The following LMO3 variants were observed in gnomAD, a reference collection of about 807,000 sequenced individuals.
The protein encoded by LMO3 is LIM domain only protein 3.
Under a neutral mutation model 15.8 loss-of-function variants are expected in LMO3, and 2 were observed. The ratio of observed to expected loss-of-function variants is 0.13; its 90% CI spans 0.05 to 0.40. LMO3 has a LOEUF of 0.40. Among genes scored for constraint, LMO3 ranks in the 10% least tolerant of loss-of-function variants. LMO3 has a pLI of 0.99. For synonymous variants in LMO3, 62 were observed against 63.8 expected, an observed-to-expected ratio of 0.97 and a Z score of 0.13; for missense variants, 86 against 182.2, an observed-to-expected ratio of 0.47 and a Z score of 3.04.
chr12:16,588,687 C>T (rs527995773), intron 2 of LMO3, among the ~76,000 whole-genome samples: 1 of 152,170 alleles, frequency 6.6e-6, no homozygotes, highest in African/African-American at 2.4e-5. Context: ...GATATTTTTT[C>T]CATACAGCCT....
rs923897187 is a variant in LMO3, at chr12:16,549,564, A to T, written c.*1658T>A. 2.0e-5 allele frequency: 3 copies of T among 152,594 alleles called. No individual in the cohort carries two copies. Among genetic ancestry groups the T allele is most frequent in the Admixed American group, 1.3e-4 (2 of 15,266 alleles). The allele number at this position is 152,594 out of a possible 1,614,324, so 9.5% of individuals were successfully genotyped here. Reference sequence around the variant, plus strand: ...AACATTTAATTTTCATCTGTAATGCATATATTGGAAGGACAAAATATATAT... The same window carrying T: ...AACATTTAATTTTCATCTGTAATGCTTATATTGGAAGGACAAAATATATAT... On this transcript the variant is annotated 3_prime_UTR_variant, in exon 4 of 4. Coordinates refer to ENST00000537304, the MANE Select transcript of LMO3 (RefSeq NM_018640.5).
At chr12:16,605,078 G>A in intron 1 of LMO3, 1 of 1,460,848 alleles carries the variant, frequency 6.8e-7, no homozygotes, top group African/African-American at 1.4e-5. Context: ...GTGGGGGAAG[G>A]GATGAGGACG....
chr12:16,563,063 C>T (rs1942457493), intron 2 of LMO3, among the ~76,000 whole-genome samples: 1 of 151,810 alleles, frequency 6.6e-6, no homozygotes, highest in Admixed American at 6.6e-5. Context: ...CTTTCCCTGC[C>T]TCGCTGGAGG....
intron 2 of LMO3, among the ~76,000 whole-genome samples, chr12:16,590,435 T>G (rs1208956628): frequency 6.6e-6 from 1 of 152,072 alleles, no homozygotes; most frequent in Non-Finnish European, 1.5e-5. Context: ...ATATATTATT[T>G]TACATGTTTT....
Position 16,550,737 on chromosome 12 carries a change from A to C in LMO3, c.*485T>G, listed in dbSNP as rs1941958137. ...TTTATCTATCTGTGTATCATTAGTGAGATTTGCTTTTCAATTCTTTACTAG... is the reference window on the plus strand; with the variant it reads ...TTTATCTATCTGTGTATCATTAGTGCGATTTGCTTTTCAATTCTTTACTAG... On this transcript the variant is annotated 3_prime_UTR_variant, in exon 4 of 4. Transcript: ENST00000537304. The C allele has an allele frequency of 6.5e-6, 1 of 153,868 alleles. No individual in the cohort carries two copies. Among genetic ancestry groups the C allele is most frequent in the African/African-American group, 2.4e-5 (1 of 41,410 alleles). The allele number at this position is 153,868 out of a possible 1,614,324, so 9.5% of individuals were successfully genotyped here. A position where few individuals can be genotyped will look rare whatever the true frequency, so the allele number is the denominator to read the frequency against.
chr12:16,575,544 G>A (rs75321626), intron 2 of LMO3, among the ~76,000 whole-genome samples: 3,734 of 152,224 alleles, frequency 0.025, 150 homozygotes, highest in African/African-American at 0.085. Context: ...CATTTGACAC[G>A]AGTTATTTCA....
chr12:16,556,738 A>G (rs1942206325), intron 3 of LMO3, among the ~76,000 whole-genome samples: 1 of 152,204 alleles, frequency 6.6e-6, no homozygotes, highest in African/African-American at 2.4e-5. Flanking sequence ...AATCTCCTAT[A>G]TGAAAACCTT....
At chr12:16,605,721 TA>T in intron 1 of LMO3, 2 of 1,510,180 alleles carry the variant, frequency 1.3e-6, no homozygotes, top group Non-Finnish European at 1.8e-6. Flanking sequence ...GGTGTGGAAA[TA>T]CTGCAGTTCA....
chr12:16,598,277 T>C lies in LMO3; in HGVS notation c.206+2378A>G, dbSNP rs1943719046. 1 of 152,080 alleles carries C rather than the reference T, an allele frequency of 6.6e-6. No individual in the cohort carries two copies. The highest frequency in any genetic ancestry group is 2.1e-4 in the South Asian group (1 of 4,828). The allele number at this position is 152,080 out of a possible 1,614,324, so 9.4% of individuals were successfully genotyped here. A position where few individuals can be genotyped will look rare whatever the true frequency, so the allele number is the denominator to read the frequency against. On this transcript the variant is annotated intron_variant, in intron 2 of 3. Transcript: ENST00000537304. The surrounding 1 kb of genome is among the most constrained non-coding windows in gnomAD (Gnocchi z 4.3). Reference sequence around the variant, plus strand: ...CACAGTGTTTTACACACACCAATTCTCCACTTCACTTCTGCAATTTTAAGT... The same window carrying C: ...CACAGTGTTTTACACACACCAATTCCCCACTTCACTTCTGCAATTTTAAGT...
intron 1 of LMO3, chr12:16,605,073 G>C: frequency 6.8e-7 from 1 of 1,473,308 alleles, no homozygotes; most frequent in Non-Finnish European, 8.9e-7. Context: ...AGGGGGTGGG[G>C]GAAGGGATGA....
At position 16,557,367 on chromosome 12, in the gene LMO3, ATT is replaced by A. The variant is rs68115649; in HGVS notation, c.332+3044_332+3045del. Among the ~76,000 whole-genome samples the A allele has an allele frequency of 3.7e-3, 523 of 142,712 alleles. 3 individuals carry two copies. The highest frequency in any genetic ancestry group is 0.012 in the African/African-American group (471 of 39,028). 93.6% of individuals were successfully genotyped at this position (142,712 alleles called of 152,430 possible). A position where few individuals can be genotyped will look rare whatever the true frequency, so the allele number is the denominator to read the frequency against. On this transcript the variant is annotated intron_variant, in intron 3 of 3. Transcript: ENST00000537304. ...TCTTTCATCCCTTAAGGTGGCAAGG[ATT>A]TTTTTTTTTTTTTTTTAAACGTAAT...
chr12:16,554,455 G>C (rs1379099110), intron 3 of LMO3, among the ~76,000 whole-genome samples: 1 of 152,032 alleles, frequency 6.6e-6, no homozygotes, highest in East Asian at 1.9e-4. Context: ...ATACTATACT[G>C]TTTTCAATAA....
upstream of LMO3, chr12:16,606,859 C>T (rs546000517): frequency 1.4e-4 from 22 of 152,144 alleles, no homozygotes; most frequent in Non-Finnish European, 2.6e-4. Context: ...GAGAGAGCTC[C>T]GGAGGAAAAG....
intron 2 of LMO3, among the ~76,000 whole-genome samples, chr12:16,578,825 AACAACAACAACAAC>A (rs1280215801): frequency 1.3e-5 from 1 of 79,472 alleles, no homozygotes; most frequent in Non-Finnish European, 3.0e-5. Context: ...CTCAAACAAC[AACAACAACAACAAC>A]AACAACAACA....
chr12:16,553,370 A>G (rs368830727), intron 3 of LMO3, among the ~76,000 whole-genome samples: 3 of 152,160 alleles, frequency 2.0e-5, no homozygotes, highest in Non-Finnish European at 4.4e-5. Context: ...AAATGGTTAT[A>G]CAGGGTGTAA....
At position 16,582,890 on chromosome 12, in the gene LMO3, TA is replaced by T. The variant is rs1943205038; in HGVS notation, c.206+17764del. 6.6e-6 allele frequency among the ~76,000 whole-genome samples: 1 copy of T among 151,502 alleles called. No individual in the cohort carries two copies. Among genetic ancestry groups the T allele is most frequent in the Non-Finnish European group, 1.5e-5 (1 of 67,844 alleles). On this transcript the variant is annotated intron_variant, in intron 2 of 3. Coordinates refer to ENST00000537304, the MANE Select transcript of LMO3 (RefSeq NM_018640.5). This position sits in a 1 kb window ranked among gnomAD's most constrained non-coding sequence, Gnocchi z 4.1. ...TGGCGAAACCCCGTCTCTACTAAAA[TA>T]AAAAAATTAGCCGGGAGTGGTGGCA...
chr12:16,587,835 T>C lies in LMO3; in HGVS notation c.206+12820A>G, dbSNP rs1263268587. Among the ~76,000 whole-genome samples the C allele has an allele frequency of 6.6e-6, 1 of 152,080 alleles. No homozygotes were observed. The highest frequency in any genetic ancestry group is 1.5e-5 in the Non-Finnish European group (1 of 67,998). On this transcript the variant is annotated intron_variant, in intron 2 of 3. Transcript: ENST00000537304. This position sits in a 1 kb window ranked among gnomAD's most constrained non-coding sequence, Gnocchi z 4.3. Reference sequence around the variant, plus strand: ...GTTTCAGGGGGAGGGAGAGGAACCTTGTCTCATATTAATGCTGCCAGTAGC... The same window carrying C: ...GTTTCAGGGGGAGGGAGAGGAACCTCGTCTCATATTAATGCTGCCAGTAGC...
chr12:16,556,170 T>C (rs1386908796), intron 3 of LMO3, among the ~76,000 whole-genome samples: 2 of 152,190 alleles, frequency 1.3e-5, no homozygotes, highest in Non-Finnish European at 2.9e-5. Flanking sequence ...ATCACAAGCT[T>C]TTTATTTTTC....
At chr12:16,601,307 A>C (rs952841620) in intron 1 of LMO3, among the ~76,000 whole-genome samples, 3 of 152,200 alleles carry the variant, frequency 2.0e-5, no homozygotes, top group African/African-American at 7.2e-5. Flanking sequence ...TAAAAATTTC[A>C]CTTAATATGT....
Sources: allele counts gnomAD v4.1 joint callset (sites outside exome capture counted in the v4.1 genomes callset), GRCh38; gene constraint gnomAD v4.1.1; non-coding constraint Gnocchi (gnomAD v3.1); transcripts MANE v1.5; gene names NCBI Gene and HGNC (gene_info 2026-07-23, HGNC 2026-07-21).